Variants in SNX24 observed in about 807,000 individuals in gnomAD.
SNX24 encodes sorting nexin-24.
SNX24 carries 22 observed loss-of-function variants against 28.7 expected under a neutral mutation model. The ratio of observed to expected loss-of-function variants is 0.77; its 90% CI spans 0.55 to 1.10. The LOEUF is 1.10. Ranked by LOEUF, SNX24 falls within the 50% of genes least tolerant of loss-of-function variation. SNX24 has a pLI of 0.00. For missense variants in SNX24, 221 were observed against 201.1 expected, an observed-to-expected ratio of 1.10 and a Z score of -0.60; for synonymous variants, 69 against 71.5, an observed-to-expected ratio of 0.96 and a Z score of 0.18.
chr5:123,026,197 A>G (rs1342283578), intron 5 of SNX24, among the ~76,000 whole-genome samples: 1 of 152,212 alleles, frequency 6.6e-6, no homozygotes, highest in African/African-American at 2.4e-5. Flanking sequence ...ATGGCACAGG[A>G]TAGTGGGATA....
chr5:122,997,808 T>A (rs10072301), intron 3 of SNX24, among the ~76,000 whole-genome samples: 43,251 of 152,048 alleles, frequency 0.28, 6,736 homozygotes, highest in Admixed American at 0.36. Flanking sequence ...CCTCTTTTTT[T>A]AAATCTGAAA....
At position 123,002,001 on chromosome 5, in the gene SNX24, A is replaced by G; in HGVS notation, c.439A>G (p.Ser147Gly). The G allele has an allele frequency of 1.2e-6, 2 of 1,613,532 alleles. No individual in the cohort carries two copies. Among genetic ancestry groups the G allele is most frequent in the Non-Finnish European group, 1.7e-6 (2 of 1,179,500 alleles). Reference protein sequence around the residue: ...LRDPYVLPAASDFPNVVIEGV... With the variant: ...LRDPYVLPAAGDFPNVVIEGV... ...GGATCCATATGTCTTGCCTGCAGCC[A>G]GCGGTAATCAAACCTGTCATCTGCT... The change falls in exon 6 of 7, where the codon AGC becomes GGC. Residue 147 changes from serine to glycine, a missense_variant. Transcript: ENST00000261369.
chr5:122,994,632 A>G (rs1761986543), intron 3 of SNX24, among the ~76,000 whole-genome samples: 1 of 152,208 alleles, frequency 6.6e-6, no homozygotes, highest in South Asian at 2.1e-4. Context: ...CTTTTCAATA[A>G]AAAGAGCATT....
chr5:122,864,166 C>CAGTT (rs3063735), intron 1 of SNX24, among the ~76,000 whole-genome samples: 123,020 of 151,798 alleles, frequency 0.81, 50,733 homozygotes, highest in East Asian at 0.99. Context: ...TTAGGAAGCT[C>CAGTT]AGGAAGCTAC....
chr5:123,019,623 A>AAAT (rs1378518673), intron 5 of SNX24, among the ~76,000 whole-genome samples: 1 of 152,254 alleles, frequency 6.6e-6, no homozygotes, highest in Non-Finnish European at 1.5e-5. Context: ...AGAACAAAAT[A>AAAT]AATTATGGCT....
intron 1 of SNX24, among the ~76,000 whole-genome samples, chr5:122,931,165 C>A (rs1298842771): frequency 3.3e-5 from 5 of 152,038 alleles, no homozygotes; most frequent in Non-Finnish European, 7.4e-5. Flanking sequence ...CTTCTTCCCC[C>A]CTACCCAAAA....
intron 1 of SNX24, among the ~76,000 whole-genome samples, chr5:122,916,025 T>G (rs1245985857): frequency 6.6e-6 from 1 of 152,264 alleles, no homozygotes; most frequent in Non-Finnish European, 1.5e-5. Flanking sequence ...GATGATTCAT[T>G]GTGTCCTTAG....
intron 1 of SNX24, among the ~76,000 whole-genome samples, chr5:122,865,628 C>T (rs1481295897): frequency 3.9e-5 from 6 of 152,162 alleles, no homozygotes; most frequent in South Asian, 2.1e-4. Context: ...CATGAGCCAC[C>T]GTGCCCAGCC....
intron 1 of SNX24, among the ~76,000 whole-genome samples, chr5:122,904,828 A>T (rs932926897): frequency 2.6e-5 from 4 of 152,078 alleles, no homozygotes; most frequent in African/African-American, 9.7e-5. Context: ...AACTCCATGG[A>T]GTTTAACTGG....
intron 1 of SNX24, among the ~76,000 whole-genome samples, chr5:122,847,382 G>T (rs1754687309): frequency 6.6e-6 from 1 of 152,128 alleles, no homozygotes; most frequent in African/African-American, 2.4e-5. Context: ...CTCTTTTTTG[G>T]ACAAATTCGG....
At chr5:122,894,073 G>T (rs1757099217) in intron 1 of SNX24, among the ~76,000 whole-genome samples, 1 of 151,178 alleles carries the variant, frequency 6.6e-6, no homozygotes, top group Non-Finnish European at 1.5e-5. Context: ...TATTTGTTCT[G>T]TATTGTTATG....
intron 1 of SNX24, among the ~76,000 whole-genome samples, chr5:122,917,305 C>T (rs1456377752): frequency 6.6e-6 from 1 of 151,976 alleles, no homozygotes; most frequent in East Asian, 1.9e-4. Flanking sequence ...AACATCTCTC[C>T]TTGCTTCTGA....
In SNX24 at chr5:123,007,671, C is replaced by CTTTTTTTTTTTT; in HGVS notation, c.443-4_443-3insTTTTTTTTTTTT. On this transcript the variant is annotated splice_polypyrimidine_tract_variant and intron_variant, in intron 6 of 6. Coordinates refer to ENST00000261369, the MANE Select transcript of SNX24 (RefSeq NM_014035.4). ...TTCTTTTTTTTTTCTTTTTTTTTTT[C>CTTTTTTTTTTTT]TTTTTTTCAGATTTTCCAAATGTGG... 2.6e-6 allele frequency: 3 copies of CTTTTTTTTTTTT among 1,148,226 alleles called. No homozygotes were observed. The highest frequency in any genetic ancestry group is 3.1e-5 in the East Asian group (1 of 32,186). 71.1% of individuals were successfully genotyped at this position (1,148,226 alleles called of 1,614,324 possible).
In SNX24 at chr5:122,855,446, T is replaced by C. The variant is rs188786386; in HGVS notation, c.60+9753T>C. On this transcript the variant is annotated intron_variant, in intron 1 of 6. Transcript: ENST00000261369. Reference sequence around the variant, plus strand: ...TGAAACATTTCTCTGTAGCATGTGATGCTGTTTGATAGTATTTTACCCTCA... The same window carrying C: ...TGAAACATTTCTCTGTAGCATGTGACGCTGTTTGATAGTATTTTACCCTCA... Among the ~76,000 whole-genome samples, 20 of 152,304 alleles carry C rather than the reference T, an allele frequency of 1.3e-4. No homozygotes were observed. In the East Asian group the frequency reaches 3.9e-3, roughly 29 times the overall value.
intron 2 of SNX24, among the ~76,000 whole-genome samples, chr5:122,944,897 G>GT (rs1251434445): frequency 6.6e-6 from 1 of 151,974 alleles, no homozygotes; most frequent in African/African-American, 2.4e-5. Context: ...ACGTTGGTAG[G>GT]TTTTTTTCAA....
At chr5:122,929,627 T>C (rs1185765980) in intron 1 of SNX24, among the ~76,000 whole-genome samples, 4 of 152,204 alleles carry the variant, frequency 2.6e-5, no homozygotes, top group African/African-American at 9.6e-5. Context: ...TTTATTTATC[T>C]TGAAAAATTT....
chr5:122,882,004 CTG>C (rs1406828844), intron 1 of SNX24, among the ~76,000 whole-genome samples: 1 of 150,546 alleles, frequency 6.6e-6, no homozygotes, highest in Non-Finnish European at 1.5e-5. Flanking sequence ...AGGTCCCACT[CTG>C]TCACTCAGGC....
chr5:122,917,458 G>A (rs1758229156), intron 1 of SNX24, among the ~76,000 whole-genome samples: 1 of 152,084 alleles, frequency 6.6e-6, no homozygotes, highest in African/African-American at 2.4e-5. Context: ...ACTTCTTTAT[G>A]GAACCAAAGG....
At chr5:123,007,291 A>T (rs114623494) in intron 6 of SNX24, among the ~76,000 whole-genome samples, 2,669 of 152,374 alleles carry the variant, frequency 0.018, 31 homozygotes, top group Non-Finnish European at 0.028. Flanking sequence ...AACTGCAGTG[A>T]GGTATTCCCA....
Sources: allele counts gnomAD v4.1 joint callset (sites outside exome capture counted in the v4.1 genomes callset), GRCh38; gene constraint gnomAD v4.1.1; transcripts MANE v1.5; gene names NCBI Gene and HGNC (gene_info 2026-07-23, HGNC 2026-07-21).